The following UTRN variants were observed in gnomAD, a reference collection of about 807,000 sequenced individuals.
UTRN encodes dystrophin-related protein 1.
UTRN carries 283 observed loss-of-function variants against 463.9 expected under a neutral mutation model. That is an observed-to-expected ratio of 0.61 (90% CI 0.55 to 0.67). The LOEUF (loss-of-function observed/expected upper bound fraction) is 0.67. UTRN is among the 30% of genes least tolerant of loss of function. The probability of loss-of-function intolerance (pLI) is 0.00; values close to 1 mark genes in which losing one functional copy is unlikely to be tolerated. For missense variants in UTRN, 3,922 were observed against 4,084.3 expected, an observed-to-expected ratio of 0.96 and a Z score of 1.08; for synonymous variants, 1,442 against 1,431.5, an observed-to-expected ratio of 1.01 and a Z score of -0.17.
intron 3 of UTRN, among the ~76,000 whole-genome samples, chr6:144,413,372 G>C (rs1446260257): frequency 6.6e-6 from 1 of 152,136 alleles, no homozygotes; most frequent in Admixed American, 6.5e-5. Flanking sequence ...AAGGAAAGAG[G>C]TTTAATTGAC....
In UTRN at chr6:144,835,873, G is replaced by T. The variant is rs1156628299; in HGVS notation, c.9759G>T (p.Lys3253Asn). 6.2e-7 allele frequency: 1 copy of T among 1,614,146 alleles called. No individual in the cohort carries two copies. The highest frequency in any genetic ancestry group is 8.5e-7 in the Non-Finnish European group (1 of 1,179,988). The change falls in exon 70 of 75, where the codon AAG becomes AAT. Residue 3253 changes from lysine (K) to asparagine (N), a missense_variant. By Grantham distance (94) the Lys-to-Asn change is moderately conservative. This residue lies in a region of UTRN where 1,309 missense variants were observed against 1,452.6 expected (regional missense o/e 0.90). Transcript: ENST00000367545. The part of the protein sequence containing the change: ...SQPQSPAQIL[K>N]SVEREERGEL... The stretch of plus-strand genomic sequence containing the variant: ...CGCAGAGCCCAGCTCAGATCCTGAA[G>T]TCAGTAGAGAGGGAAGAACGTGGAG...
chr6:144,699,978 A>T (rs1784418233), intron 52 of UTRN, 109 bp from the exon 53 acceptor site: 2 of 1,062,806 alleles, frequency 1.9e-6, no homozygotes, highest in East Asian at 5.9e-5. Flanking sequence ...GTGGAAGTAA[A>T]CATTACTTGG....
chr6:144,323,145 C>T (rs1245258978), intron 2 of UTRN, among the ~76,000 whole-genome samples: 1 of 152,118 alleles, frequency 6.6e-6, no homozygotes, highest in Non-Finnish European at 1.5e-5. Flanking sequence ...GGCTTCCTAG[C>T]AATTCCAGGT....
At chr6:144,448,134 G>A (rs1238552968) in intron 16 of UTRN, among the ~76,000 whole-genome samples, 1 of 152,134 alleles carries the variant, frequency 6.6e-6, no homozygotes, top group Non-Finnish European at 1.5e-5. Context: ...TAGCCAAAAA[G>A]TGGAACAACT....
At chr6:144,373,465 G>T (rs1397634346) in intron 2 of UTRN, among the ~76,000 whole-genome samples, 1 of 152,188 alleles carries the variant, frequency 6.6e-6, no homozygotes, top group East Asian at 1.9e-4. Flanking sequence ...GTCTGCCACT[G>T]GAAAATCCAT....
At chr6:144,502,864 C>T (rs1794325438) in intron 34 of UTRN, among the ~76,000 whole-genome samples, 1 of 152,198 alleles carries the variant, frequency 6.6e-6, no homozygotes, top group Non-Finnish European at 1.5e-5. Flanking sequence ...TACACTCCCA[C>T]CAACAGTGTA....
intron 43 of UTRN, among the ~76,000 whole-genome samples, chr6:144,534,862 A>G (rs550612475): frequency 6.6e-6 from 1 of 152,350 alleles, no homozygotes; most frequent in African/African-American, 2.4e-5. Context: ...GCAATTTTCT[A>G]TAAATTTCTT....
At chr6:144,348,054 C>G (rs1259639122) in intron 2 of UTRN, among the ~76,000 whole-genome samples, 1 of 151,786 alleles carries the variant, frequency 6.6e-6, no homozygotes, top group Non-Finnish European at 1.5e-5. Context: ...ACTATGTTGC[C>G]CAGGCTGGTC....
intron 44 of UTRN, 23 bp from the exon 45 acceptor site, chr6:144,539,271 C>A: frequency 6.3e-7 from 1 of 1,585,322 alleles, no homozygotes; most frequent in South Asian, 1.2e-5. Context: ...CTTCTAACCA[C>A]ACCTATCTTT....
chr6:144,846,807 A>G lies in UTRN; in HGVS notation c.10273A>G (p.Asn3425Asp). The change falls in exon 74 of 75, where the codon AAT becomes GAT. Residue 3425 changes from asparagine to aspartate, a missense_variant and splice_region_variant. Around this residue, in one of 3 missense-constraint regions of UTRN, gnomAD observed 1,309 missense variants for 1,452.6 expected, o/e 0.90. Coordinates refer to ENST00000367545, the MANE Select transcript of UTRN (RefSeq NM_007124.3). ...ATTTCTTTTGTTTTCTCTTTCAGCA[A>G]ATGTTCCCAGCAGGCCACAGGTAAG... ...IHSTFPSCCP[N>D]VPSRPQAM The G allele has an allele frequency of 6.2e-7, 1 of 1,614,032 alleles. No individual in the cohort carries two copies. Among genetic ancestry groups the G allele is most frequent in the Non-Finnish European group, 8.5e-7 (1 of 1,179,932 alleles).
intron 65 of UTRN, among the ~76,000 whole-genome samples, chr6:144,808,595 G>A (rs1167575976): frequency 6.6e-6 from 1 of 151,992 alleles, no homozygotes; most frequent in Non-Finnish European, 1.5e-5. Context: ...GTAGCCACAA[G>A]CTGTACATTA....
intron 57 of UTRN, among the ~76,000 whole-genome samples, chr6:144,757,366 T>C (rs1412060527): frequency 6.6e-6 from 1 of 152,018 alleles, no homozygotes. Context: ...TTGGGATTTT[T>C]CTGCCTAGAC....
chr6:144,839,646 C>T (rs138538501), intron 72 of UTRN, among the ~76,000 whole-genome samples: 2,065 of 152,274 alleles, frequency 0.014, 22 homozygotes, highest in Non-Finnish European at 0.023. Flanking sequence ...AATAATATTA[C>T]ACCAAACATT....
chr6:144,431,063 A>T (rs1785788009), intron 9 of UTRN, among the ~76,000 whole-genome samples: 1 of 152,148 alleles, frequency 6.6e-6, no homozygotes, highest in African/African-American at 2.4e-5. Flanking sequence ...AAATGCTAGG[A>T]AGTATTTGCC....
chr6:144,617,846 C>T (rs1806303547), intron 51 of UTRN, among the ~76,000 whole-genome samples: 1 of 152,106 alleles, frequency 6.6e-6, no homozygotes, highest in African/African-American at 2.4e-5. Context: ...AGCATAATCT[C>T]AAATTTACTG....
intron 74 of UTRN, among the ~76,000 whole-genome samples, chr6:144,850,335 C>T (rs1782381369): frequency 6.6e-6 from 1 of 152,090 alleles, no homozygotes; most frequent in Non-Finnish European, 1.5e-5. Flanking sequence ...TCCTGAGGGT[C>T]CAGAAAGGCC....
chr6:144,479,543 G>C (rs930196675), intron 25 of UTRN, among the ~76,000 whole-genome samples: 3 of 152,160 alleles, frequency 2.0e-5, no homozygotes, highest in African/African-American at 7.2e-5. Flanking sequence ...TGGGATTACA[G>C]TCAACAGTTA....
chr6:144,397,009 G>A (rs929152522), intron 2 of UTRN, among the ~76,000 whole-genome samples: 3 of 152,138 alleles, frequency 2.0e-5, no homozygotes, highest in African/African-American at 7.2e-5. Context: ...ACTTTGAGAG[G>A]CCAAGGTGGG....
chr6:144,318,283 T>C (rs1475853778), intron 2 of UTRN, among the ~76,000 whole-genome samples: 1 of 152,054 alleles, frequency 6.6e-6, no homozygotes, highest in African/African-American at 2.4e-5. Flanking sequence ...CTTTATAATG[T>C]CTTTATTTTT....
Sources: gnomAD v4.1 joint callset for allele counts (sites outside exome capture counted in the v4.1 genomes callset) on GRCh38, gnomAD v4.1.1 for gene constraint, gnomAD v4.1.1 regional missense constraint, MANE v1.5 for transcripts, NCBI Gene and HGNC (gene_info 2026-07-23, HGNC 2026-07-21) for gene names.